METTL9: variants seen among roughly 807,000 people sequenced by gnomAD.
The protein encoded by METTL9 is methyltransferase 9, His-X-His N1(pi)-histidine.
In METTL9, 10 loss-of-function variants were observed where a neutral mutation model predicts 36.0. The observed-to-expected ratio is 0.28, with a 90% CI of 0.17 to 0.47. The LOEUF (loss-of-function observed/expected upper bound fraction) is 0.47, where lower values mean the gene tolerates loss of function less well. METTL9 is among the 20% of genes least tolerant of loss of function. The pLI, the probability that METTL9 is intolerant of heterozygous loss-of-function variation, is 0.99. For missense variants in METTL9, 246 were observed against 383.5 expected (o/e 0.64, Z 3.00); for synonymous variants, 175 against 149.7 (o/e 1.17, Z -1.23).
chr16:21,599,477 G>C (rs530390525), upstream of METTL9: 4 of 1,180,196 alleles, frequency 3.4e-6, no homozygotes, highest in East Asian at 1.6e-4. The surrounding 1 kb of genome is among the most constrained non-coding windows in gnomAD (Gnocchi z 4.4). Flanking sequence ...AAGCGACGCG[G>C]CCGCTCGTAA....
chr16:21,620,279 A>G lies in METTL9; in HGVS notation c.566+2205A>G, dbSNP rs182294304. On this transcript the variant is annotated intron_variant, in intron 3 of 4. Transcript: ENST00000358154. ...ATTTGAAAGCCCCTTAGCTTTAGCA[A>G]GCTGTCTCAGATAAGGTTCTGGTGG... 4.0e-3 allele frequency among the ~76,000 whole-genome samples: 614 copies of G among 152,294 alleles called. 4 individuals carry two copies. Among genetic ancestry groups the G allele is most frequent in the Non-Finnish European group, 7.0e-3 (476 of 68,022 alleles).
At chr16:21,650,136 A>C (rs1966528895) in intron 4 of METTL9, among the ~76,000 whole-genome samples, 1 of 151,976 alleles carries the variant, frequency 6.6e-6, no homozygotes, top group Non-Finnish European at 1.5e-5. Flanking sequence ...CAGCATTGTG[A>C]GTCCCTGTCT....
chr16:21,608,056 A>G (rs1176506802), intron 1 of METTL9, among the ~76,000 whole-genome samples: 1 of 152,084 alleles, frequency 6.6e-6, no homozygotes, highest in Non-Finnish European at 1.5e-5. Flanking sequence ...GGCTCAGGCG[A>G]GAGAATCACT....
chr16:21,633,883 C>T (rs943904892), intron 4 of METTL9, among the ~76,000 whole-genome samples: 3 of 152,090 alleles, frequency 2.0e-5, no homozygotes, highest in South Asian at 4.1e-4. Context: ...TTGGACTGGG[C>T]GGGCATTTTT....
At chr16:21,606,570 G>A (rs1401579258) in intron 1 of METTL9, among the ~76,000 whole-genome samples, 1 of 152,118 alleles carries the variant, frequency 6.6e-6, no homozygotes, top group African/African-American at 2.4e-5. Flanking sequence ...ATTAGACTCA[G>A]TCTTCAACTC....
chr16:21,612,869 A>G (rs1244706468), intron 2 of METTL9, 34 bp downstream of exon 2: 2 of 1,515,502 alleles, frequency 1.3e-6, no homozygotes, highest in East Asian at 2.4e-5. Flanking sequence ...TTTTTTCTTT[A>G]TCCTTAGGTT....
At chr16:21,632,857 C>A (rs1965998152) in intron 4 of METTL9, among the ~76,000 whole-genome samples, 1 of 152,138 alleles carries the variant, frequency 6.6e-6, no homozygotes, top group South Asian at 2.1e-4. Flanking sequence ...TCCCACAAGT[C>A]TGAGTAAGGA....
chr16:21,620,353 C>T lies in METTL9; in HGVS notation c.566+2279C>T, dbSNP rs1210148622. Among the ~76,000 whole-genome samples the T allele has an allele frequency of 2.6e-5, 4 of 152,130 alleles. No individual in the cohort carries two copies. The East Asian group carries it at 5.8e-4, about 22-fold the overall frequency. On this transcript the variant is annotated intron_variant, in intron 3 of 4. Transcript: ENST00000358154. ...GTTTTCCTTCAGTTAGAGATTAATT[C>T]GGCATTTCAAAACTTAGAATGCTTT... is the stretch of plus-strand genomic sequence containing the variant.
chr16:21,610,768 T>C (rs1326428920), intron 1 of METTL9, among the ~76,000 whole-genome samples: 1 of 152,214 alleles, frequency 6.6e-6, no homozygotes, highest in Non-Finnish European at 1.5e-5. Context: ...CAAGGAATTC[T>C]TAGCTCCTCT....
At position 21,617,401 on chromosome 16, in the gene METTL9, G is replaced by A. The variant is rs567025937; in HGVS notation, c.357-464G>A. ...CCACTGCACTCCAGTCTGGGCGACG[G>A]CAGAGCGAGACTCTGTCTCAAAAAA... is the stretch of plus-strand genomic sequence containing the variant. On this transcript the variant is annotated intron_variant, in intron 2 of 4. Transcript: ENST00000358154. 3.9e-3 allele frequency among the ~76,000 whole-genome samples: 552 copies of A among 142,326 alleles called. 8 individuals are homozygous for A. The highest frequency in any genetic ancestry group is 0.014 in the African/African-American group (517 of 37,448). 93.4% of individuals were successfully genotyped at this position (142,326 alleles called of 152,430 possible).
rs541386636 is a variant in METTL9, at chr16:21,637,591, A to C, written c.751+12476A>C. On this transcript the variant is annotated intron_variant, in intron 4 of 4. Transcript: ENST00000358154. ...GGACTTTGTGGCACCTAGCCTGGGCACTCCAGCAGCCCAGAGGGAGCTTGT... is the reference window on the plus strand; with the variant it reads ...GGACTTTGTGGCACCTAGCCTGGGCCCTCCAGCAGCCCAGAGGGAGCTTGT... Among the ~76,000 whole-genome samples, 3 of 152,322 alleles carry C rather than the reference A, an allele frequency of 2.0e-5. No individual in the cohort carries two copies. In the South Asian group the frequency reaches 6.2e-4, roughly 32 times the overall value.
intron 4 of METTL9, among the ~76,000 whole-genome samples, chr16:21,645,171 G>A (rs905636022): frequency 6.6e-6 from 1 of 152,176 alleles, no homozygotes; most frequent in Non-Finnish European, 1.5e-5. Flanking sequence ...CCATAGATGA[G>A]ACTGAGTGTG....
rs1043496467 is a variant in METTL9, at chr16:21,599,676, G to T, written c.-58G>T. ...GGCGGCGGTGGCCGGAGGCGGCGGT[G>T]CCTCCTCCTCCTCGCCCCGGCGCCG... On this transcript the variant is annotated 5_prime_UTR_variant, in exon 1 of 5. Coordinates refer to ENST00000358154, the MANE Select transcript of METTL9 (RefSeq NM_016025.5). The surrounding 1 kb of genome is among the most constrained non-coding windows in gnomAD (Gnocchi z 4.4). 1.4e-6 allele frequency: 2 copies of T among 1,382,980 alleles called. No homozygotes were observed. The highest frequency in any genetic ancestry group is 1.9e-6 in the Non-Finnish European group (2 of 1,075,604). 85.7% of individuals were successfully genotyped at this position (1,382,980 alleles called of 1,614,324 possible).
chr16:21,600,083 C>G (rs1395957834), intron 1 of METTL9, among the ~76,000 whole-genome samples, 185 bp downstream of exon 1: 1 of 152,092 alleles, frequency 6.6e-6, no homozygotes, highest in African/African-American at 2.4e-5. Flanking sequence ...CCCGGGCACC[C>G]GGCCGCGGCC....
chr16:21,656,601 C>A lies in METTL9; in HGVS notation c.*1169C>A, dbSNP rs1401041630. ...GAGCATTTAACCCAGAATCTGAAATCTCAGTAATAACAGAAATGTCAATAT... is the reference window on the plus strand; with the variant it reads ...GAGCATTTAACCCAGAATCTGAAATATCAGTAATAACAGAAATGTCAATAT... On this transcript the variant is annotated 3_prime_UTR_variant, in exon 5 of 5. Coordinates refer to ENST00000358154, the MANE Select transcript of METTL9 (RefSeq NM_016025.5). 6.6e-6 allele frequency: 1 copy of A among 152,150 alleles called. No individual in the cohort carries two copies. The highest frequency in any genetic ancestry group is 1.5e-5 in the Non-Finnish European group (1 of 68,032). 9.4% of individuals were successfully genotyped at this position (152,150 alleles called of 1,614,324 possible).
At chr16:21,627,775 C>T (rs915670802) in intron 4 of METTL9, among the ~76,000 whole-genome samples, 1 of 152,016 alleles carries the variant, frequency 6.6e-6, no homozygotes, top group African/African-American at 2.4e-5. Context: ...CAGTGAAACA[C>T]CATCTCTGCT....
chr16:21,636,603 CT>C (rs2141602341), intron 4 of METTL9, among the ~76,000 whole-genome samples: 1 of 151,950 alleles, frequency 6.6e-6, no homozygotes, highest in South Asian at 2.1e-4. Flanking sequence ...CAACCAACTT[CT>C]TGTTGGGACC....
At chr16:21,648,445 C>T (rs4783407) in intron 4 of METTL9, among the ~76,000 whole-genome samples, 3 of 152,300 alleles carry the variant, frequency 2.0e-5, no homozygotes, top group African/African-American at 7.2e-5. Context: ...ATTGCTGCTG[C>T]AGCCGCCACT....
chr16:21,624,534 T>C (rs998041405), intron 3 of METTL9, among the ~76,000 whole-genome samples: 1 of 151,968 alleles, frequency 6.6e-6, no homozygotes, highest in Non-Finnish European at 1.5e-5. Flanking sequence ...CAAGATCAGC[T>C]TAGCCAATGT....
Sources: gnomAD v4.1 joint callset for allele counts (sites outside exome capture counted in the v4.1 genomes callset) on GRCh38, gnomAD v4.1.1 for gene constraint, Gnocchi (gnomAD v3.1) non-coding constraint, MANE v1.5 for transcripts, NCBI Gene and HGNC (gene_info 2026-07-23, HGNC 2026-07-21) for gene names.